IFFO2: variants seen among roughly 807,000 people sequenced by gnomAD.
IFFO2 encodes intermediate filament family orphan 2.
IFFO2 carries 19 observed loss-of-function variants against 53.5 expected under a neutral mutation model. The observed-to-expected ratio is 0.36, with a 90% confidence interval of 0.25 to 0.52. IFFO2 has a LOEUF of 0.52. IFFO2 is among the 20% of genes least tolerant of loss of function. The probability of loss-of-function intolerance (pLI) is 0.94; values close to 1 mark genes in which losing one functional copy is unlikely to be tolerated. For synonymous variants in IFFO2, 303 were observed against 313.6 expected, an observed-to-expected ratio of 0.97 and a Z score of 0.36; for missense variants, 570 against 727.4, an observed-to-expected ratio of 0.78 and a Z score of 2.49.
In IFFO2 at chr1:18,918,135, CG is replaced by C. The variant is rs1384072822; in HGVS notation, c.963+226del. Among the ~76,000 whole-genome samples, 1 of 152,218 alleles carries C rather than the reference CG, an allele frequency of 6.6e-6. No individual in the cohort carries two copies. Among genetic ancestry groups the C allele is most frequent in the African/African-American group, 2.4e-5 (1 of 41,458 alleles). On this transcript the variant is annotated intron_variant, in intron 4 of 8. Transcript: ENST00000455833. This position sits in a 1 kb window ranked among gnomAD's most constrained non-coding sequence, Gnocchi z 5.2. The stretch of plus-strand genomic sequence containing the variant: ...GCACAGCACATCACCCTCTGGGCCT[CG>C]GTCTCCCCAGCCATAGGATGAAGCA...
Position 18,918,422 on chromosome 1 carries a change from C to T in IFFO2, c.903G>A (p.Thr301=), listed in dbSNP as rs753138346. The change falls in exon 4 of 9, where the codon ACG becomes ACA. Residue 301 remains threonine (T), a synonymous_variant. Coordinates refer to ENST00000455833, the MANE Select transcript of IFFO2 (RefSeq NM_001136265.2). This position sits in a 1 kb window ranked among gnomAD's most constrained non-coding sequence, Gnocchi z 5.2. ...GCTGTGCGACATCGCACAGCTTGGC[C>T]GTGATATCGATTCGGCGGCAGATGT... The part of the protein sequence containing the change: ...DMDICRRIDI[T]AKLCDVAQQR... 6 of 1,559,178 alleles carry T rather than the reference C, an allele frequency of 3.8e-6. No individual in the cohort carries two copies. The highest frequency in any genetic ancestry group is 2.4e-5 in the East Asian group (1 of 41,498).
At chr1:18,938,782 GC>G (rs11294307) in intron 1 of IFFO2, among the ~76,000 whole-genome samples, 129,201 of 152,126 alleles carry the variant, frequency 0.85, 55,061 homozygotes, top group African/African-American at 0.89. Context: ...AACTGGCCTG[GC>G]CCCCCCAGGG....
intron 1 of IFFO2, among the ~76,000 whole-genome samples, chr1:18,929,471 G>A (rs1557644520): frequency 6.6e-6 from 1 of 152,218 alleles, no homozygotes; most frequent in Non-Finnish European, 1.5e-5. Context: ...AAATCGAGTT[G>A]CTAAGGAGTT....
rs184103466 is a variant in IFFO2, at chr1:18,913,976, C to A, written c.1104-1893G>T. On this transcript the variant is annotated intron_variant, in intron 5 of 8. Coordinates refer to ENST00000455833, the MANE Select transcript of IFFO2 (RefSeq NM_001136265.2). ...CCTCCTGCGTAGCTGGGACTACAGG[C>A]GCCCGCCACCACGCCCGGCTAATTT... is the stretch of plus-strand genomic sequence containing the variant. 3.1e-4 allele frequency among the ~76,000 whole-genome samples: 47 copies of A among 150,012 alleles called. 2 individuals carry two copies. Among genetic ancestry groups the A allele is most frequent in the African/African-American group, 1.2e-3 (46 of 39,720 alleles).
intron 1 of IFFO2, among the ~76,000 whole-genome samples, chr1:18,940,232 G>A (rs1436200456): frequency 6.6e-6 from 1 of 152,188 alleles, no homozygotes; most frequent in African/African-American, 2.4e-5. Context: ...GCTAGGTAAG[G>A]GAGCTGCCGG....
chr1:18,919,762 C>T lies in IFFO2; in HGVS notation c.738G>A (p.Glu246=). The change falls in exon 3 of 9, where the codon GAG becomes GAA. Residue 246 remains glutamate, a synonymous_variant. Coordinates refer to ENST00000455833, the MANE Select transcript of IFFO2 (RefSeq NM_001136265.2). This position sits in a 1 kb window ranked among gnomAD's most constrained non-coding sequence, Gnocchi z 4.9. Reference sequence around the variant, plus strand: ...TCATCTCCTCCTGGATGGCATCAGCCTCCTGTGCTGCCTGCGGGGACGGAG... The same window carrying T: ...TCATCTCCTCCTGGATGGCATCAGCTTCCTGTGCTGCCTGCGGGGACGGAG... The part of the protein sequence containing the change: ...MVDTLQEAAQ[E]ADAIQEEMNE... 3.9e-6 allele frequency: 6 copies of T among 1,551,386 alleles called. No homozygotes were observed. The highest frequency in any genetic ancestry group is 5.2e-6 in the Non-Finnish European group (6 of 1,146,770).
intron 1 of IFFO2, among the ~76,000 whole-genome samples, chr1:18,926,409 A>G (rs1324596865): frequency 6.6e-6 from 1 of 152,160 alleles, no homozygotes. Flanking sequence ...CCCACTTCCC[A>G]CAGCCCTGGG....
chr1:18,944,360 A>C (rs1569863383), intron 1 of IFFO2, among the ~76,000 whole-genome samples: 1 of 152,196 alleles, frequency 6.6e-6, no homozygotes, highest in African/African-American at 2.4e-5. Flanking sequence ...GTGAGGGAGA[A>C]GGGACAGCCA....
Position 18,950,226 on chromosome 1 carries a change from C to T in IFFO2, c.665+5442G>A, listed in dbSNP as rs534359871. 9.2e-5 allele frequency among the ~76,000 whole-genome samples: 14 copies of T among 152,340 alleles called. No individual in the cohort carries two copies. In the South Asian group the frequency reaches 2.7e-3, roughly 29 times the overall value. Reference sequence around the variant, plus strand: ...GAAGCAGCCGTTCTCCCTCCACCCCCAACACCATCTCTGGCGCCTCCATGG... The same window carrying T: ...GAAGCAGCCGTTCTCCCTCCACCCCTAACACCATCTCTGGCGCCTCCATGG... On this transcript the variant is annotated intron_variant, in intron 1 of 8. Coordinates refer to ENST00000455833, the MANE Select transcript of IFFO2 (RefSeq NM_001136265.2).
chr1:18,951,286 C>G (rs1222735051), intron 1 of IFFO2, among the ~76,000 whole-genome samples: 1 of 152,190 alleles, frequency 6.6e-6, no homozygotes, highest in African/African-American at 2.4e-5. Context: ...GCTATGGACT[C>G]CAGGGCTCTA....
intron 5 of IFFO2, among the ~76,000 whole-genome samples, chr1:18,913,892 GC>G (rs1350690960): frequency 1.3e-5 from 2 of 152,218 alleles, no homozygotes; most frequent in Non-Finnish European, 2.9e-5. Flanking sequence ...GTGCAGTGGT[GC>G]GATCTCGGCT....
chr1:18,946,761 G>A (rs1049382741), intron 1 of IFFO2, among the ~76,000 whole-genome samples: 1 of 152,084 alleles, frequency 6.6e-6, no homozygotes, highest in African/African-American at 2.4e-5. Context: ...TCCCTCCCCT[G>A]CCTCTGTGGC....
chr1:18,914,003 T>G (rs1407725381), intron 5 of IFFO2, among the ~76,000 whole-genome samples: 1 of 152,132 alleles, frequency 6.6e-6, no homozygotes, highest in Non-Finnish European at 1.5e-5. Context: ...GGCTAATTTT[T>G]TGTATTTTTA....
At chr1:18,949,454 C>T (rs1305848495) in intron 1 of IFFO2, among the ~76,000 whole-genome samples, 1 of 152,258 alleles carries the variant, frequency 6.6e-6, no homozygotes, top group African/African-American at 2.4e-5. Context: ...ATCCTGAGCA[C>T]AGGGACATGA....
At chr1:18,938,701 C>A (rs1936480866) in intron 1 of IFFO2, among the ~76,000 whole-genome samples, 1 of 152,174 alleles carries the variant, frequency 6.6e-6, no homozygotes, top group Non-Finnish European at 1.5e-5. Flanking sequence ...GAGACTCCCC[C>A]ACCTCACACC....
At chr1:18,933,313 G>A (rs1033928477) in intron 1 of IFFO2, among the ~76,000 whole-genome samples, 4 of 152,224 alleles carry the variant, frequency 2.6e-5, no homozygotes, top group African/African-American at 9.6e-5. Flanking sequence ...GTCCATGAGT[G>A]AAGGGGCCCC....
At position 18,947,149 on chromosome 1, in the gene IFFO2, C is replaced by G. The variant is rs997297494; in HGVS notation, c.665+8519G>C. On this transcript the variant is annotated intron_variant, in intron 1 of 8. Transcript: ENST00000455833. This position sits in a 1 kb window ranked among gnomAD's most constrained non-coding sequence, Gnocchi z 5.0. ...CCACACCCAGCAGTCTCATCTTCCCCAACAAGAGGCACCAAACGATTGTAA... is the reference window on the plus strand; with the variant it reads ...CCACACCCAGCAGTCTCATCTTCCCGAACAAGAGGCACCAAACGATTGTAA... Among the ~76,000 whole-genome samples the G allele has an allele frequency of 6.6e-6, 1 of 152,224 alleles. No homozygotes were observed. Among genetic ancestry groups the G allele is most frequent in the Non-Finnish European group, 1.5e-5 (1 of 68,040 alleles).
chr1:18,949,891 G>A (rs966014161), intron 1 of IFFO2, among the ~76,000 whole-genome samples: 2 of 152,230 alleles, frequency 1.3e-5, no homozygotes, highest in Non-Finnish European at 2.9e-5. Flanking sequence ...GCCCCGCCTC[G>A]CATTCCTCTG....
chr1:18,924,820 A>G (rs949949796), intron 1 of IFFO2, among the ~76,000 whole-genome samples: 1 of 152,204 alleles, frequency 6.6e-6, no homozygotes, highest in African/African-American at 2.4e-5. Context: ...ACTCCAGAAT[A>G]TTGACAGGCC....
Sources: allele counts gnomAD v4.1 joint callset (sites outside exome capture counted in the v4.1 genomes callset), GRCh38; gene constraint gnomAD v4.1.1; non-coding constraint Gnocchi (gnomAD v3.1); transcripts MANE v1.5; gene names NCBI Gene and HGNC (gene_info 2026-07-23, HGNC 2026-07-21).